The following GALNT15 variants were observed in gnomAD, a reference collection of about 807,000 sequenced individuals.
GALNT15 encodes UDP-GalNAc transferase T15.
A neutral mutation model predicts 66.8 loss-of-function variants in GALNT15; 67 were observed. The observed-to-expected ratio is 1.00, with a 90% confidence interval of 0.82 to 1.23. GALNT15 has a LOEUF of 1.23. GALNT15 is among the 50% of genes most tolerant of loss of function. The probability of loss-of-function intolerance (pLI) is 0.00; values close to 1 mark genes in which losing one functional copy is unlikely to be tolerated. For synonymous variants in GALNT15, 313 were observed against 311.5 expected (o/e 1.00, Z -0.05); for missense variants, 827 against 804.3 (o/e 1.03, Z -0.34).
At chr3:16,207,364 A>AG (rs2063767288) in intron 3 of GALNT15, among the ~76,000 whole-genome samples, 1 of 152,136 alleles carries the variant, frequency 6.6e-6, no homozygotes. Context: ...ATGACAGGCC[A>AG]GGGGGAGAAA....
At position 16,176,417 on chromosome 3, in the gene GALNT15, A is replaced by C. The variant is rs898820864; in HGVS notation, c.539+727A>C. Among the ~76,000 whole-genome samples, 1 of 152,184 alleles carries C rather than the reference A, an allele frequency of 6.6e-6. No individual in the cohort carries two copies. The highest frequency in any genetic ancestry group is 2.4e-5 in the African/African-American group (1 of 41,456). On this transcript the variant is annotated intron_variant, in intron 1 of 9. Coordinates refer to ENST00000339732, the MANE Select transcript of GALNT15 (RefSeq NM_054110.5). The surrounding 1 kb of genome is among the most constrained non-coding windows in gnomAD (Gnocchi z 5.6). ...ATGTGAGCTCCAGTCTGCCTGACCC[A>C]CCACTCCATGCCACCTGCCTTGGGC...
chr3:16,226,024 G>A (rs529538296), intron 9 of GALNT15, among the ~76,000 whole-genome samples: 1 of 151,490 alleles, frequency 6.6e-6, no homozygotes, highest in South Asian at 2.1e-4. Flanking sequence ...ACTCCCGCCT[G>A]GGTGACAGAG....
In GALNT15 at chr3:16,219,316, C is replaced by T. The variant is rs570124015; in HGVS notation, c.1393-87C>T. On this transcript the variant is annotated intron_variant, in intron 6 of 9. Transcript: ENST00000339732. This position sits in a 1 kb window ranked among gnomAD's most constrained non-coding sequence, Gnocchi z 4.3. ...CCTTCCTTCTGTCCTGATCCTTTAGCTTCTTCCCAGCCACTCCATCCCCAA... is the reference window on the plus strand; with the variant it reads ...CCTTCCTTCTGTCCTGATCCTTTAGTTTCTTCCCAGCCACTCCATCCCCAA... 30 of 1,548,626 alleles carry T rather than the reference C, an allele frequency of 1.9e-5. No homozygotes were observed. In the East Asian group the frequency reaches 6.5e-4, roughly 34 times the overall value.
the GALNT15 span, among the ~76,000 whole-genome samples, chr3:16,247,673 G>A: frequency 2.0e-5 from 3 of 152,238 alleles, no homozygotes; most frequent in Non-Finnish European, 4.4e-5. Flanking sequence ...GGGAAAGTGT[G>A]TTGTAAATGA....
In GALNT15 at chr3:16,209,128, T is replaced by A. The variant is rs911956177; in HGVS notation, c.1079+458T>A. On this transcript the variant is annotated intron_variant, in intron 4 of 9. Coordinates refer to ENST00000339732, the MANE Select transcript of GALNT15 (RefSeq NM_054110.5). The surrounding 1 kb of genome is among the most constrained non-coding windows in gnomAD (Gnocchi z 4.1). ...CTAAGAACCATAGGTCTCAAATATA[T>A]CCTATTGTATGGGTCGCTTCTCACA... Among the ~76,000 whole-genome samples the A allele has an allele frequency of 3.9e-5, 6 of 152,174 alleles. No homozygotes were observed.
rs2124839244 is a variant in GALNT15, at chr3:16,181,672, T to C, written c.539+5982T>C. On this transcript the variant is annotated intron_variant, in intron 1 of 9. Coordinates refer to ENST00000339732, the MANE Select transcript of GALNT15 (RefSeq NM_054110.5). This position sits in a 1 kb window ranked among gnomAD's most constrained non-coding sequence, Gnocchi z 5.9. Reference sequence around the variant, plus strand: ...GAGGAAGGAGGCAGCTGACAGGGCATCAGTAAATCCAAGAGAGCAGACATG... The same window carrying C: ...GAGGAAGGAGGCAGCTGACAGGGCACCAGTAAATCCAAGAGAGCAGACATG... Among the ~76,000 whole-genome samples, 1 of 152,178 alleles carries C rather than the reference T, an allele frequency of 6.6e-6. No individual in the cohort carries two copies. Among genetic ancestry groups the C allele is most frequent in the South Asian group, 2.1e-4 (1 of 4,814 alleles).
chr3:16,186,000 G>C (rs970296275), intron 1 of GALNT15, among the ~76,000 whole-genome samples: 1 of 152,128 alleles, frequency 6.6e-6, no homozygotes, highest in Non-Finnish European at 1.5e-5. Context: ...CATCAAGAAA[G>C]TGAAAAGACA....
In GALNT15 at chr3:16,195,898, C is replaced by A. The variant is rs2063628579; in HGVS notation, c.678C>A (p.Ile226=). The change falls in exon 2 of 10, where the codon ATC becomes ATA. Residue 226 remains isoleucine (I), a synonymous_variant. Coordinates refer to ENST00000339732, the MANE Select transcript of GALNT15 (RefSeq NM_054110.5). The surrounding 1 kb of genome is among the most constrained non-coding windows in gnomAD (Gnocchi z 4.6). ...DTVPRAFLKE[I]ILVDDLSQQG... ...TGCCCAGGGCCTTCCTGAAGGAGAT[C>A]ATCCTCGTGGACGACCTCAGCCAGC... 1 of 1,614,108 alleles carries A rather than the reference C, an allele frequency of 6.2e-7. No individual in the cohort carries two copies. Among genetic ancestry groups the A allele is most frequent in the Non-Finnish European group, 8.5e-7 (1 of 1,179,992 alleles).
chr3:16,186,153 T>A lies in GALNT15; in HGVS notation c.540-9607T>A, dbSNP rs2063514495. 6.6e-6 allele frequency among the ~76,000 whole-genome samples: 1 copy of A among 152,154 alleles called. No individual in the cohort carries two copies. The highest frequency in any genetic ancestry group is 2.1e-4 in the South Asian group (1 of 4,820). ...TGGGCAAAGGATTTGAATAGACATT[T>A]CTTCAAAGAAGACATAAAAATGGTC... On this transcript the variant is annotated intron_variant, in intron 1 of 9. Coordinates refer to ENST00000339732, the MANE Select transcript of GALNT15 (RefSeq NM_054110.5). This position sits in a 1 kb window ranked among gnomAD's most constrained non-coding sequence, Gnocchi z 5.1.
At position 16,212,196 on chromosome 3, in the gene GALNT15, C is replaced by T. The variant is rs577580843; in HGVS notation, c.1198-373C>T. Among the ~76,000 whole-genome samples the T allele has an allele frequency of 1.1e-4, 17 of 152,256 alleles. No homozygotes were observed. The East Asian group carries it at 2.7e-3, about 24-fold the overall frequency. On this transcript the variant is annotated intron_variant, in intron 5 of 9. Coordinates refer to ENST00000339732, the MANE Select transcript of GALNT15 (RefSeq NM_054110.5). ...CACTTCACAAGCTTTGAGATATTCC[C>T]GGACCACTGAGATCATCTTTTTCCC...
Position 16,175,841 on chromosome 3 carries a change from C to T in GALNT15, c.539+151C>T. On this transcript the variant is annotated intron_variant, in intron 1 of 9. Coordinates refer to ENST00000339732, the MANE Select transcript of GALNT15 (RefSeq NM_054110.5). This position sits in a 1 kb window ranked among gnomAD's most constrained non-coding sequence, Gnocchi z 5.6. The stretch of plus-strand genomic sequence containing the variant: ...TACCTGGGCCAGCAGCGTCAGCAGC[C>T]CCTGGGCACTGGTGGGTTCTCAGAA... The T allele has an allele frequency of 1.4e-6, 1 of 690,574 alleles. No homozygotes were observed. 42.8% of individuals were successfully genotyped at this position (690,574 alleles called of 1,614,324 possible). A position where few individuals can be genotyped will look rare whatever the true frequency, so the allele number is the denominator to read the frequency against.
At position 16,228,044 on chromosome 3, in the gene GALNT15, G is replaced by A. The variant is rs2064041692; in HGVS notation, c.*544G>A. 1.0e-6 allele frequency: 1 copy of A among 987,032 alleles called. No homozygotes were observed. The highest frequency in any genetic ancestry group is 4.7e-5 in the South Asian group (1 of 21,354). 61.1% of individuals were successfully genotyped at this position (987,032 alleles called of 1,614,324 possible). ...GAAGAAGGAAAGGGAGCTACAGAAA[G>A]GAGGTTTAGGATTGCAGAGAAGATG... On this transcript the variant is annotated 3_prime_UTR_variant, in exon 10 of 10. Coordinates refer to ENST00000339732, the MANE Select transcript of GALNT15 (RefSeq NM_054110.5).
chr3:16,228,903 C>G lies in GALNT15; in HGVS notation c.*1403C>G. The G allele has an allele frequency of 1.0e-6, 1 of 985,406 alleles. No individual in the cohort carries two copies. 61.0% of individuals were successfully genotyped at this position (985,406 alleles called of 1,614,324 possible). A position where few individuals can be genotyped will look rare whatever the true frequency, so the allele number is the denominator to read the frequency against. On this transcript the variant is annotated 3_prime_UTR_variant, in exon 10 of 10. Transcript: ENST00000339732. ...AATGTCCATGAGTGTGGGAAGAACA[C>G]GGCTCATCTGGAGCACAGCTGAGGC...
downstream of GALNT15, chr3:16,231,885 C>T (rs761951279): frequency 1.0e-5 from 16 of 1,535,954 alleles, no homozygotes; most frequent in South Asian, 1.8e-4. The surrounding 1 kb of genome is among the most constrained non-coding windows in gnomAD (Gnocchi z 4.1). Flanking sequence ...ACATCATTTG[C>T]TTCATTCAGA....
rs999947561 is a variant in GALNT15 at position 16,209,635 on chromosome 3, T to C, written c.1079+965T>C. Among the ~76,000 whole-genome samples, 1 of 152,080 alleles carries C rather than the reference T, an allele frequency of 6.6e-6. No homozygotes were observed. Among genetic ancestry groups the C allele is most frequent in the Non-Finnish European group, 1.5e-5 (1 of 68,016 alleles). On this transcript the variant is annotated intron_variant, in intron 4 of 9. Coordinates refer to ENST00000339732, the MANE Select transcript of GALNT15 (RefSeq NM_054110.5). This position sits in a 1 kb window ranked among gnomAD's most constrained non-coding sequence, Gnocchi z 4.1. The stretch of plus-strand genomic sequence containing the variant: ...GAGTTCGAGACCAACCTGGCCATCA[T>C]GGCGAAACCCCATCTCTACTAAAAT...
At chr3:16,214,248 C>G (rs755177269) in intron 6 of GALNT15, among the ~76,000 whole-genome samples, 15 of 152,192 alleles carry the variant, frequency 9.9e-5, no homozygotes, top group Non-Finnish European at 1.8e-4. Flanking sequence ...CCTTCTCCAT[C>G]GCCATCTGTG....
the GALNT15 span, among the ~76,000 whole-genome samples, chr3:16,240,240 G>T: frequency 6.6e-6 from 1 of 151,420 alleles, no homozygotes; most frequent in Non-Finnish European, 1.5e-5. Flanking sequence ...TTTCCAGAGT[G>T]AATTCTAGTT....
At chr3:16,231,745 G>T, downstream of GALNT15, 1 of 1,400,406 alleles carries the variant, frequency 7.1e-7, no homozygotes, top group Non-Finnish European at 9.8e-7. The surrounding 1 kb of genome is among the most constrained non-coding windows in gnomAD (Gnocchi z 4.1). Flanking sequence ...ATGCTAAAAT[G>T]ATACAGTCCT....
the GALNT15 span, among the ~76,000 whole-genome samples, chr3:16,246,068 C>T: frequency 6.6e-6 from 1 of 152,156 alleles, no homozygotes; most frequent in Non-Finnish European, 1.5e-5. Context: ...CTTGCTTTTT[C>T]AAGAGATTAT....
Sources: gnomAD v4.1 joint callset for allele counts (sites outside exome capture counted in the v4.1 genomes callset) on GRCh38, gnomAD v4.1.1 for gene constraint, Gnocchi (gnomAD v3.1) non-coding constraint, MANE v1.5 for transcripts, NCBI Gene and HGNC (gene_info 2026-07-23, HGNC 2026-07-21) for gene names.